NUBPL: variants seen among roughly 807,000 people sequenced by gnomAD.
NUBPL encodes iron-sulfur cluster transfer protein NUBPL.
NUBPL carries 31 observed loss-of-function variants against 45.7 expected under a neutral mutation model. The observed-to-expected ratio is 0.68, with a 90% CI of 0.51 to 0.92. The LOEUF is 0.92. Ranked by LOEUF, NUBPL falls within the 40% of genes least tolerant of loss-of-function variation. NUBPL has a pLI of 0.00. For synonymous variants in NUBPL, 144 were observed against 140.9 expected (o/e 1.02, Z -0.15); for missense variants, 401 against 398.7 (o/e 1.01, Z -0.05).
At chr14:31,609,861 C>T (rs1410969053) in intron 4 of NUBPL, among the ~76,000 whole-genome samples, 1 of 151,910 alleles carries the variant, frequency 6.6e-6, no homozygotes, top group African/African-American at 2.4e-5. Flanking sequence ...TGAAAAATTT[C>T]TTGAAAAAAA....
chr14:31,640,614 C>CAAAA (rs59871107), intron 4 of NUBPL, among the ~76,000 whole-genome samples: 1 of 97,028 alleles, frequency 1.0e-5, no homozygotes, highest in Non-Finnish European at 2.2e-5. Context: ...GACTCTGTCT[C>CAAAA]AAAAAAAAAA....
At chr14:31,590,720 A>G (rs2034119860) in intron 3 of NUBPL, among the ~76,000 whole-genome samples, 1 of 152,168 alleles carries the variant, frequency 6.6e-6, no homozygotes, top group Non-Finnish European at 1.5e-5. Flanking sequence ...TCTGGCAACA[A>G]ATGACTAGTT....
intron 6 of NUBPL, among the ~76,000 whole-genome samples, chr14:31,723,829 G>A (rs747951660): frequency 4.6e-5 from 7 of 152,154 alleles, no homozygotes; most frequent in Admixed American, 1.3e-4. Context: ...GTTTATCAGC[G>A]TAAGAACTTT....
At chr14:31,741,935 A>G (rs111552725) in intron 6 of NUBPL, among the ~76,000 whole-genome samples, 1,598 of 152,172 alleles carry the variant, frequency 0.011, 16 homozygotes, top group Middle Eastern at 0.027. Flanking sequence ...CTTCCATGCC[A>G]GACGTGAAAC....
chr14:31,674,950 C>T (rs1236855320), intron 6 of NUBPL, among the ~76,000 whole-genome samples: 2 of 152,152 alleles, frequency 1.3e-5, no homozygotes, highest in East Asian at 3.9e-4. Context: ...TCCTGGCTAA[C>T]ACGGTGAAAC....
chr14:31,813,153 A>AT (rs376605106), intron 7 of NUBPL, among the ~76,000 whole-genome samples: 27 of 151,600 alleles, frequency 1.8e-4, no homozygotes, highest in African/African-American at 6.0e-4. Flanking sequence ...CGCCTGGCTA[A>AT]TTTTTTTGTA....
intron 6 of NUBPL, among the ~76,000 whole-genome samples, chr14:31,678,916 C>G (rs577499799): frequency 7.2e-5 from 11 of 152,132 alleles, no homozygotes; most frequent in African/African-American, 2.4e-4. Flanking sequence ...TTTAGAATCC[C>G]AGAGCACTCC....
At chr14:31,792,497 A>C (rs1455246538) in intron 7 of NUBPL, among the ~76,000 whole-genome samples, 1 of 140,492 alleles carries the variant, frequency 7.1e-6, no homozygotes, top group African/African-American at 2.6e-5. Flanking sequence ...ATATGCCTTG[A>C]ACATATGGCC....
intron 6 of NUBPL, among the ~76,000 whole-genome samples, chr14:31,676,376 C>T (rs1038995814): frequency 6.6e-6 from 1 of 151,974 alleles, no homozygotes; most frequent in Admixed American, 6.6e-5. Context: ...TTTTGAAATT[C>T]ATGTTTATTG....
intron 7 of NUBPL, among the ~76,000 whole-genome samples, chr14:31,816,991 C>T (rs1363383326): frequency 6.6e-6 from 1 of 151,798 alleles, no homozygotes; most frequent in East Asian, 1.9e-4. Flanking sequence ...ACATAAATGA[C>T]CTGATGGAGC....
intron 4 of NUBPL, among the ~76,000 whole-genome samples, chr14:31,637,792 A>AT (rs1270941383): frequency 3.9e-5 from 6 of 152,098 alleles, no homozygotes; most frequent in Non-Finnish European, 8.8e-5. Context: ...GTGCATATAT[A>AT]TTAAGATAGT....
intron 6 of NUBPL, among the ~76,000 whole-genome samples, chr14:31,729,167 T>C (rs921326981): frequency 6.6e-6 from 1 of 151,282 alleles, no homozygotes. Context: ...GTAATTCCAA[T>C]ACTTGGGAGG....
chr14:31,632,004 T>A (rs113640527), intron 4 of NUBPL, among the ~76,000 whole-genome samples: 1,612 of 152,262 alleles, frequency 0.011, 24 homozygotes, highest in African/African-American at 0.037. Flanking sequence ...AGTTGTATAA[T>A]AATGAATCAG....
rs767966643 is a variant in NUBPL at position 31,599,379 on chromosome 14, A to G, written c.382A>G (p.Ser128Gly). The part of the protein sequence containing the change: ...NLKGNPELSQ[S>G]NLMRPLLNYG... ...GAAAGGAAATCCGGAATTATCACAGAGTAAGTAAAGAAGGGATAAATATTA... is the reference window on the plus strand; with the variant it reads ...GAAAGGAAATCCGGAATTATCACAGGGTAAGTAAAGAAGGGATAAATATTA... Residue 128 changes from serine (S) to glycine (G), a missense_variant and splice_region_variant, in exon 4 of 11, where the codon AGC becomes GGC. Physicochemically the swap from Ser to Gly is moderately conservative, Grantham distance 56. Transcript: ENST00000281081. The G allele has an allele frequency of 3.1e-6, 5 of 1,596,548 alleles. No homozygotes were observed. Among genetic ancestry groups the G allele is most frequent in the Middle Eastern group, 1.7e-4 (1 of 5,886 alleles).
At chr14:31,791,574 G>A (rs2039383012) in intron 7 of NUBPL, among the ~76,000 whole-genome samples, 1 of 152,112 alleles carries the variant, frequency 6.6e-6, no homozygotes, top group Non-Finnish European at 1.5e-5. Flanking sequence ...ACACTCCTCA[G>A]GTTAAAAGCC....
At chr14:31,761,074 T>C (rs2038797594) in intron 6 of NUBPL, among the ~76,000 whole-genome samples, 1 of 152,208 alleles carries the variant, frequency 6.6e-6, no homozygotes, top group Non-Finnish European at 1.5e-5. Context: ...ATATTACACT[T>C]TGTAAGTAGT....
At chr14:31,724,878 T>G (rs1026229654) in intron 6 of NUBPL, among the ~76,000 whole-genome samples, 6 of 152,064 alleles carry the variant, frequency 3.9e-5, no homozygotes, top group Non-Finnish European at 1.5e-5. Flanking sequence ...CAGGGAAGGC[T>G]TATCTGAGAA....
intron 3 of NUBPL, among the ~76,000 whole-genome samples, chr14:31,573,058 T>C (rs1432863222): frequency 3.3e-5 from 5 of 152,162 alleles, no homozygotes; most frequent in Admixed American, 6.5e-5. Context: ...GGTGAGTGAA[T>C]GTGAAGGCCT....
chr14:31,614,790 C>G (rs770491118), intron 4 of NUBPL, among the ~76,000 whole-genome samples: 23 of 152,178 alleles, frequency 1.5e-4, no homozygotes, highest in Non-Finnish European at 2.8e-4. Flanking sequence ...TGTGAACTTA[C>G]AGTAGACATA....
Sources: allele counts gnomAD v4.1 joint callset (sites outside exome capture counted in the v4.1 genomes callset), GRCh38; gene constraint gnomAD v4.1.1; transcripts MANE v1.5; gene names NCBI Gene and HGNC (gene_info 2026-07-23, HGNC 2026-07-21).